Variants in STRN observed in about 807,000 individuals in gnomAD.
STRN encodes the protein protein phosphatase 2 regulatory subunit B'''alpha.
STRN carries 53 observed loss-of-function variants against 96.3 expected under a neutral mutation model. That is an observed-to-expected ratio of 0.55 (90% CI 0.44 to 0.69). The LOEUF is 0.69. STRN is among the 30% of genes least tolerant of loss of function. The pLI is 0.00. For synonymous variants in STRN, 428 were observed against 355.9 expected (o/e 1.20, Z -2.28); for missense variants, 987 against 963.9 (o/e 1.02, Z -0.32).
chr2:36,956,131 T>C (rs1664881543), intron 1 of STRN, among the ~76,000 whole-genome samples: 1 of 152,212 alleles, frequency 6.6e-6, no homozygotes, highest in Non-Finnish European at 1.5e-5. Context: ...AAAGAGAATG[T>C]AAGTAGCTAC....
At chr2:36,897,434 A>AAAAT (rs1308930212) in intron 6 of STRN, among the ~76,000 whole-genome samples, 2 of 148,898 alleles carry the variant, frequency 1.3e-5, no homozygotes, top group Non-Finnish European at 3.0e-5. Context: ...AAAACTAAAA[A>AAAAT]ATATATATAT....
Position 36,846,711 on chromosome 2 carries a change from TG to T in STRN, c.*2744del, listed in dbSNP as rs1668087726. On this transcript the variant is annotated 3_prime_UTR_variant, in exon 18 of 18. Transcript: ENST00000263918. ...GTTTAATGGCAAAAGTTGTTAAACT[TG>T]TTCAATAGAAAAATACTGAAGGTCA... The T allele has an allele frequency of 6.6e-6, 1 of 151,896 alleles. No individual in the cohort carries two copies. The highest frequency in any genetic ancestry group is 2.4e-5 in the African/African-American group (1 of 41,362). 9.4% of individuals were successfully genotyped at this position (151,896 alleles called of 1,614,324 possible).
rs761480375 is a variant in STRN, at chr2:36,839,504, G to C, written c.*9952C>G. On this transcript the variant is annotated 3_prime_UTR_variant, in exon 18 of 18. Transcript: ENST00000263918. ...CTACATGACCAGAAGTCTGTATTCA[G>C]AGAGTGAACAAGTCATTTGCTGGAT... Among the ~76,000 whole-genome samples, 5 of 152,228 alleles carry C rather than the reference G, an allele frequency of 3.3e-5. No homozygotes were observed. Among genetic ancestry groups the C allele is most frequent in the African/African-American group, 9.6e-5 (4 of 41,460 alleles).
At chr2:36,907,880 T>C (rs1669864122) in intron 3 of STRN, among the ~76,000 whole-genome samples, 1 of 151,914 alleles carries the variant, frequency 6.6e-6, no homozygotes, top group African/African-American at 2.4e-5. Context: ...CTTAGTTCTG[T>C]GATATACCAA....
At chr2:36,861,745 AC>A (rs1280930012) in intron 12 of STRN, among the ~76,000 whole-genome samples, 1 of 150,162 alleles carries the variant, frequency 6.7e-6, no homozygotes, top group Non-Finnish European at 1.5e-5. Flanking sequence ...ACACACACAC[AC>A]ACACACACAC....
chr2:36,886,581 G>C, intron 8 of STRN, 135 bp downstream of exon 8: 1 of 630,846 alleles, frequency 1.6e-6, no homozygotes, highest in Non-Finnish European at 2.7e-6. Flanking sequence ...CAACCCCTGA[G>C]AGCAGGTGAA....
chr2:36,864,617 C>T (rs1470403455), intron 12 of STRN, among the ~76,000 whole-genome samples: 1 of 152,136 alleles, frequency 6.6e-6, no homozygotes, highest in Non-Finnish European at 1.5e-5. Context: ...TGAAGTTTTC[C>T]TTTCTGTTGT....
chr2:36,946,749 AAAT>A (rs1478823750), intron 1 of STRN, among the ~76,000 whole-genome samples: 1 of 152,182 alleles, frequency 6.6e-6, no homozygotes, highest in Non-Finnish European at 1.5e-5. Flanking sequence ...TTCTAACGTA[AAAT>A]TTAGACAGTT....
chr2:36,870,602 T>A (rs937190511), intron 10 of STRN, among the ~76,000 whole-genome samples: 3 of 152,218 alleles, frequency 2.0e-5, no homozygotes, highest in Non-Finnish European at 2.9e-5. Flanking sequence ...CACATGTTTG[T>A]GGTGATGCTG....
At chr2:36,948,069 T>A (rs1664641685) in intron 1 of STRN, among the ~76,000 whole-genome samples, 2 of 146,328 alleles carry the variant, frequency 1.4e-5, no homozygotes, top group African/African-American at 2.5e-5. Context: ...CCTCTATAAT[T>A]ATCAGTGCAC....
chr2:36,888,639 A>ATATG (rs1553397268), intron 7 of STRN, among the ~76,000 whole-genome samples: 2 of 145,128 alleles, frequency 1.4e-5, no homozygotes, highest in Non-Finnish European at 3.0e-5. Context: ...TTTAATTTAT[A>ATATG]TGTGTGTGTG....
chr2:36,892,748 C>A (rs1669432813), intron 7 of STRN, among the ~76,000 whole-genome samples: 1 of 152,134 alleles, frequency 6.6e-6, no homozygotes, highest in Non-Finnish European at 1.5e-5. Flanking sequence ...AGGCTGGGAG[C>A]AGTGGCTCAT....
intron 10 of STRN, among the ~76,000 whole-genome samples, chr2:36,874,868 A>G (rs1013748082): frequency 5.3e-5 from 8 of 152,212 alleles, no homozygotes; most frequent in Admixed American, 1.3e-4. Flanking sequence ...GAAATACTAA[A>G]TGTTCTCAGG....
chr2:36,944,695 G>C (rs1425461890), intron 1 of STRN, among the ~76,000 whole-genome samples: 2 of 152,054 alleles, frequency 1.3e-5, no homozygotes, highest in African/African-American at 2.4e-5. Context: ...CATAGCAGAA[G>C]ATTTCAATAA....
intron 6 of STRN, among the ~76,000 whole-genome samples, chr2:36,894,822 A>C (rs1191659554): frequency 6.6e-6 from 1 of 152,124 alleles, no homozygotes; most frequent in Non-Finnish European, 1.5e-5. Context: ...TGAGAAGTAG[A>C]CCCCAAAGAT....
At position 36,848,605 on chromosome 2, in the gene STRN, A is replaced by G. The variant is rs1668140189; in HGVS notation, c.*851T>C. On this transcript the variant is annotated 3_prime_UTR_variant, in exon 18 of 18. Coordinates refer to ENST00000263918, the MANE Select transcript of STRN (RefSeq NM_003162.4). ...CTGGTACTATAAATGTCACATGAAT[A>G]AAGTGAATTTTAAAATAGAAATTAT... 1 of 152,224 alleles carries G rather than the reference A, an allele frequency of 6.6e-6. No individual in the cohort carries two copies. The highest frequency in any genetic ancestry group is 1.5e-5 in the Non-Finnish European group (1 of 68,046). 9.4% of individuals were successfully genotyped at this position (152,224 alleles called of 1,614,324 possible).
At position 36,949,222 on chromosome 2, in the gene STRN, G is replaced by C. The variant is rs182101645; in HGVS notation, c.234+17008C>G. ...CTATGCCATATAGCCTAGGTATGTA[G>C]CAGGCTATACCATCTAGGGTTGTGT... is the stretch of plus-strand genomic sequence containing the variant. On this transcript the variant is annotated intron_variant, in intron 1 of 17. Coordinates refer to ENST00000263918, the MANE Select transcript of STRN (RefSeq NM_003162.4). Among the ~76,000 whole-genome samples the C allele has an allele frequency of 4.6e-3, 695 of 152,306 alleles. 3 individuals are homozygous for C. Among genetic ancestry groups the C allele is most frequent in the Admixed American group, 7.6e-3 (116 of 15,302 alleles).
At position 36,847,896 on chromosome 2, in the gene STRN, G is replaced by T. The variant is rs147595139; in HGVS notation, c.*1560C>A. ...GTTTTAATTGGTTAAAATATCTATA[G>T]ATTTAATATTTTTAAAATCTAAGAG... is the stretch of plus-strand genomic sequence containing the variant. On this transcript the variant is annotated 3_prime_UTR_variant, in exon 18 of 18. Coordinates refer to ENST00000263918, the MANE Select transcript of STRN (RefSeq NM_003162.4). 2 of 152,176 alleles carry T rather than the reference G, an allele frequency of 1.3e-5. No homozygotes were observed. Among genetic ancestry groups the T allele is most frequent in the Non-Finnish European group, 2.9e-5 (2 of 68,032 alleles). The allele number at this position is 152,176 out of a possible 1,614,324, so 9.4% of individuals were successfully genotyped here.
rs368064509 is a variant in STRN at position 36,950,363 on chromosome 2, G to A, written c.234+15867C>T. Among the ~76,000 whole-genome samples, 52 of 152,006 alleles carry A rather than the reference G, an allele frequency of 3.4e-4. No individual in the cohort carries two copies. In the East Asian group the frequency reaches 3.7e-3, roughly 11 times the overall value. ...CCTGAGTAGCTGGGATTACAGGCACGCGCCATCACGCCCAGCTAATGTTTG... is the reference window on the plus strand; with the variant it reads ...CCTGAGTAGCTGGGATTACAGGCACACGCCATCACGCCCAGCTAATGTTTG... On this transcript the variant is annotated intron_variant, in intron 1 of 17. Transcript: ENST00000263918.
Sources: gnomAD v4.1 joint callset for allele counts (sites outside exome capture counted in the v4.1 genomes callset) on GRCh38, gnomAD v4.1.1 for gene constraint, MANE v1.5 for transcripts, NCBI Gene and HGNC (gene_info 2026-07-23, HGNC 2026-07-21) for gene names.